The following TRIP4 variants were observed in gnomAD, a reference collection of about 807,000 sequenced individuals.
The protein encoded by TRIP4 is thyroid hormone receptor interactor 4, also known as activating signal cointegrator 1.
A neutral mutation model predicts 81.8 loss-of-function variants in TRIP4; 54 were observed. The observed-to-expected ratio is 0.66, with a 90% CI of 0.53 to 0.83. TRIP4 has a LOEUF of 0.83. Ranked by LOEUF, TRIP4 falls within the 40% of genes least tolerant of loss-of-function variation. TRIP4 has a pLI of 0.00. For synonymous variants in TRIP4, 270 were observed against 242.8 expected (o/e 1.11, Z -1.04); for missense variants, 662 against 683.6 (o/e 0.97, Z 0.35).
chr15:64,419,461 C>T (rs1443836834), intron 9 of TRIP4, among the ~76,000 whole-genome samples: 4 of 151,918 alleles, frequency 2.6e-5, no homozygotes, highest in Admixed American at 2.0e-4. Context: ...CAGGTTCACG[C>T]CATTCTCCTG....
chr15:64,414,165 C>G lies in TRIP4; in HGVS notation c.1124C>G (p.Pro375Arg), dbSNP rs759851672. 6.2e-7 allele frequency: 1 copy of G among 1,614,146 alleles called. No individual in the cohort carries two copies. The highest frequency in any genetic ancestry group is 2.2e-5 in the East Asian group (1 of 44,878). ...AAATTGGATAGATCTTCTGAAGAGC[C>G]TTTGGGAGTTCTGGTAAATCCCAAC... ...LTKLDRSSEE[P>R]LGVLVNPNMY... Residue 375 changes from proline to arginine, a missense_variant, in exon 8 of 13, where the codon CCT becomes CGT. By Grantham distance (103) the Pro-to-Arg change is moderately radical. Transcript: ENST00000261884.
At chr15:64,390,710 G>A (rs1445887662) in intron 1 of TRIP4, among the ~76,000 whole-genome samples, 2 of 151,866 alleles carry the variant, frequency 1.3e-5, no homozygotes, top group Non-Finnish European at 2.9e-5. Flanking sequence ...GGCCAACATG[G>A]TGAAACCCCG....
rs1297715003 is a variant in TRIP4 at position 64,409,629 on chromosome 15, G to A, written c.844G>A (p.Val282Ile). 2.5e-6 allele frequency: 4 copies of A among 1,614,160 alleles called. No homozygotes were observed. The highest frequency in any genetic ancestry group is 2.2e-5 in the East Asian group (1 of 44,882). ...TTTTCTCAGTATTCGAAGGACCCAA[G>A]TCATTGATGATGAGTCAGATTACTT... ...FDRTSIRRTQVIDDESDYFAS... is the reference protein window; with the variant it reads ...FDRTSIRRTQIIDDESDYFAS... The change falls in exon 7 of 13, where the codon GTC (valine) becomes ATC (isoleucine). Residue 282 changes from valine to isoleucine, a missense_variant. Val to Ile is a conservative substitution (Grantham distance 29, BLOSUM62 3). Transcript: ENST00000261884.
chr15:64,450,736 G>T (rs1029425461), intron 12 of TRIP4: 2 of 455,862 alleles, frequency 4.4e-6, no homozygotes, highest in Non-Finnish European at 8.8e-6. Flanking sequence ...CTTGTATCTT[G>T]TTTCTCCTAT....
chr15:64,441,393 G>T (rs553614114), intron 11 of TRIP4, among the ~76,000 whole-genome samples: 1 of 152,034 alleles, frequency 6.6e-6, no homozygotes, highest in South Asian at 2.1e-4. Flanking sequence ...AAAAATCCCC[G>T]TCCTCATGGA....
At chr15:64,432,847 G>T (rs1187167309) in intron 11 of TRIP4, among the ~76,000 whole-genome samples, 4 of 151,848 alleles carry the variant, frequency 2.6e-5, no homozygotes, top group Non-Finnish European at 5.9e-5. Flanking sequence ...GGAGGTGGAG[G>T]TTGTAGTGAG....
At chr15:64,395,358 A>G (rs1248875989) in intron 2 of TRIP4, 40 bp from the exon 3 acceptor site, 4 of 1,547,898 alleles carry the variant, frequency 2.6e-6, no homozygotes, top group Non-Finnish European at 3.5e-6. Context: ...CCTCTTATCA[A>G]TCTGTGTGTG....
intron 4 of TRIP4, among the ~76,000 whole-genome samples, 173 bp downstream of exon 4, chr15:64,397,991 C>A (rs547290175): frequency 1.3e-5 from 2 of 152,088 alleles, no homozygotes; most frequent in Non-Finnish European, 2.9e-5. Flanking sequence ...GGCTCTGCCT[C>A]CCGGGTTCAT....
In TRIP4 at chr15:64,400,837, G is replaced by T; in HGVS notation, c.697+16G>T. 6.2e-7 allele frequency: 1 copy of T among 1,606,174 alleles called. No individual in the cohort carries two copies. The highest frequency in any genetic ancestry group is 8.5e-7 in the Non-Finnish European group (1 of 1,173,246). ...CTCATGTCAGGTAGACAGCAGTCTT[G>T]TAATTGGATCACTGGGATGATGGGT... On this transcript the variant is annotated intron_variant, in intron 5 of 12. Coordinates refer to ENST00000261884, the MANE Select transcript of TRIP4 (RefSeq NM_016213.5).
rs74382419 is a variant in TRIP4 at position 64,431,378 on chromosome 15, G to T, written c.1575+5747G>T. 5.3e-4 allele frequency among the ~76,000 whole-genome samples: 81 copies of T among 152,226 alleles called. 1 individual carries two copies. The East Asian group carries it at 0.015, about 29-fold the overall frequency. ...TCACAGCTCACTTGAGTGAGATATA[G>T]GGAATGTAGTTTTGGAATTCTCTTG... On this transcript the variant is annotated intron_variant, in intron 11 of 12. Transcript: ENST00000261884.
chr15:64,429,148 C>T (rs1221169521), intron 11 of TRIP4, among the ~76,000 whole-genome samples: 1 of 151,698 alleles, frequency 6.6e-6, no homozygotes, highest in Non-Finnish European at 1.5e-5. Context: ...AACCCCGTCT[C>T]TACTAAAAAA....
intron 12 of TRIP4, among the ~76,000 whole-genome samples, chr15:64,446,645 G>T (rs71409125): frequency 6.6e-6 from 1 of 151,020 alleles, no homozygotes; most frequent in African/African-American, 2.4e-5. Context: ...CTTGTGATCC[G>T]CCTGCCTTGG....
At position 64,395,370 on chromosome 15, in the gene TRIP4, G is replaced by A. The variant is rs202247317; in HGVS notation, c.272-28G>A. ...AATCCTCTTATCAATCTGTGTGTGTGTGTATTTTTTTTTTTCTATCTTTAA... is the reference window on the plus strand; with the variant it reads ...AATCCTCTTATCAATCTGTGTGTGTATGTATTTTTTTTTTTCTATCTTTAA... On this transcript the variant is annotated intron_variant, in intron 2 of 12. Transcript: ENST00000261884. The A allele has an allele frequency of 2.5e-6, 4 of 1,586,894 alleles. No homozygotes were observed. The African/African-American group carries it at 4.1e-5, about 16-fold the overall frequency.
intron 2 of TRIP4, among the ~76,000 whole-genome samples, 159 bp downstream of exon 2, chr15:64,394,274 G>T (rs190067395): frequency 3.3e-5 from 5 of 151,790 alleles, no homozygotes; most frequent in Non-Finnish European, 7.4e-5. Flanking sequence ...TACTCAATCC[G>T]TAATGAATAT....
rs1900211443 is a variant in TRIP4 at position 64,393,986 on chromosome 15, T to C, written c.142T>C (p.Tyr48His). 6.2e-7 allele frequency: 1 copy of C among 1,608,482 alleles called. No individual in the cohort carries two copies. The highest frequency in any genetic ancestry group is 8.5e-7 in the Non-Finnish European group (1 of 1,177,698). ...TGAGAGTGCTGAAGAGATACGAGAA[T>C]ATGTTACTGATCTCCTCCAGGGAAA... ...SIESAEEIRE[Y>H]VTDLLQGNEG... The change falls in exon 2 of 13, where the codon TAT becomes CAT. Residue 48 changes from tyrosine to histidine, a missense_variant. Coordinates refer to ENST00000261884, the MANE Select transcript of TRIP4 (RefSeq NM_016213.5).
At chr15:64,419,494 G>C (rs933532641) in intron 9 of TRIP4, among the ~76,000 whole-genome samples, 1 of 151,894 alleles carries the variant, frequency 6.6e-6, no homozygotes. Flanking sequence ...AGGTAGCTGG[G>C]ACTACAGGCG....
Position 64,425,406 on chromosome 15 carries a change from C to A in TRIP4, c.1484-134C>A. ...GCAAACAGTTGTGCCAAGTAAATTT[C>A]ACTGTTTTCCTTATGTCTACAAATA... On this transcript the variant is annotated intron_variant, in intron 10 of 12. Coordinates refer to ENST00000261884, the MANE Select transcript of TRIP4 (RefSeq NM_016213.5). The A allele has an allele frequency of 7.6e-6, 6 of 790,668 alleles. No homozygotes were observed. In the South Asian group the frequency reaches 1.1e-4, roughly 14 times the overall value. The allele number at this position is 790,668 out of a possible 1,614,324, so 49.0% of individuals were successfully genotyped here.
rs201650517 is a variant in TRIP4, at chr15:64,448,950, CTA to C, written c.1678+3845_1678+3846del. Among the ~76,000 whole-genome samples the C allele has an allele frequency of 2.9e-3, 434 of 152,218 alleles. 6 individuals carry two copies. In the East Asian group the frequency reaches 0.039, roughly 14 times the overall value. On this transcript the variant is annotated intron_variant, in intron 12 of 12. Transcript: ENST00000261884. ...CTTGGTCAGGCACAGTGGCTCATGTCTATAATCCCAGCACTTTAGGAATCTGA... is the reference window on the plus strand; with the variant it reads ...CTTGGTCAGGCACAGTGGCTCATGTCTAATCCCAGCACTTTAGGAATCTGA...
At chr15:64,441,234 G>A (rs1409246451) in intron 11 of TRIP4, among the ~76,000 whole-genome samples, 1 of 151,750 alleles carries the variant, frequency 6.6e-6, no homozygotes, top group Non-Finnish European at 1.5e-5. Context: ...CTGACCTCGT[G>A]GTCCGCCCGC....
Sources: allele counts gnomAD v4.1 joint callset (sites outside exome capture counted in the v4.1 genomes callset), GRCh38; gene constraint gnomAD v4.1.1; transcripts MANE v1.5; gene names NCBI Gene and HGNC (gene_info 2026-07-23, HGNC 2026-07-21).